YES1: variants seen among roughly 807,000 people sequenced by gnomAD.
YES1 encodes the protein tyrosine-protein kinase Yes.
In YES1, 39 loss-of-function variants were observed where a neutral mutation model predicts 70.4. That is an observed-to-expected ratio of 0.55 (90% CI 0.43 to 0.72). The LOEUF (loss-of-function observed/expected upper bound fraction) is 0.72. Ranked by LOEUF, YES1 falls within the 30% of genes least tolerant of loss-of-function variation. The pLI, the probability that YES1 is intolerant of heterozygous loss-of-function variation, is 0.00. For synonymous variants in YES1, 198 were observed against 218.6 expected (o/e 0.91, Z 0.83); for missense variants, 495 against 644.8 (o/e 0.77, Z 2.52).
chr18:725,745 G>A (rs956461421), intron 11 of YES1, among the ~76,000 whole-genome samples: 11 of 152,172 alleles, frequency 7.2e-5, no homozygotes, highest in Admixed American at 1.3e-4. Flanking sequence ...AATGAGCCAG[G>A]CATGATGGCA....
At chr18:728,613 G>A (rs2080049507) in intron 11 of YES1, among the ~76,000 whole-genome samples, 1 of 152,092 alleles carries the variant, frequency 6.6e-6, no homozygotes, top group Non-Finnish European at 1.5e-5. Context: ...TGCAACCTCT[G>A]CCTCCCAGGT....
In YES1 at chr18:723,201, A is replaced by G. The variant is rs187036941; in HGVS notation, c.*1223T>C. 4 of 152,410 alleles carry G rather than the reference A, an allele frequency of 2.6e-5. No individual in the cohort carries two copies. Among genetic ancestry groups the G allele is most frequent in the Admixed American group, 2.0e-4 (3 of 15,312 alleles). The allele number at this position is 152,410 out of a possible 1,614,324, so 9.4% of individuals were successfully genotyped here. A position where few individuals can be genotyped will look rare whatever the true frequency, so the allele number is the denominator to read the frequency against. On this transcript the variant is annotated 3_prime_UTR_variant, in exon 12 of 12. Transcript: ENST00000314574. Reference sequence around the variant, plus strand: ...ATCCCACTGCAATGAATGTGAAGCCATAACTTCATTATTTTGAACAAATAC... The same window carrying G: ...ATCCCACTGCAATGAATGTGAAGCCGTAACTTCATTATTTTGAACAAATAC...
At chr18:771,188 G>A (rs1475543340) in intron 1 of YES1, among the ~76,000 whole-genome samples, 5 of 151,554 alleles carry the variant, frequency 3.3e-5, no homozygotes, top group South Asian at 2.1e-4. Context: ...CCAACATGGC[G>A]AAACCTCGTC....
intron 1 of YES1, among the ~76,000 whole-genome samples, chr18:797,634 G>A (rs936588926): frequency 2.0e-5 from 3 of 152,098 alleles, no homozygotes; most frequent in African/African-American, 7.2e-5. Context: ...CTAAACAACT[G>A]TTAAAAATTA....
At chr18:752,942 C>CA (rs1321087847) in intron 2 of YES1, among the ~76,000 whole-genome samples, 4 of 151,258 alleles carry the variant, frequency 2.6e-5, no homozygotes, top group African/African-American at 9.7e-5. Context: ...GACTCTGTAT[C>CA]AAAAAAATAA....
At chr18:771,970 A>T (rs1331965219) in intron 1 of YES1, among the ~76,000 whole-genome samples, 1 of 152,154 alleles carries the variant, frequency 6.6e-6, no homozygotes, top group Admixed American at 6.5e-5. Flanking sequence ...GGAAGAGGCA[A>T]GAATTTCACA....
At chr18:724,989 C>T (rs751529841) in intron 11 of YES1, among the ~76,000 whole-genome samples, 2 of 152,144 alleles carry the variant, frequency 1.3e-5, no homozygotes, top group Admixed American at 1.3e-4. Flanking sequence ...GGAATGGTGG[C>T]AAGATCCTGT....
intron 1 of YES1, among the ~76,000 whole-genome samples, chr18:787,250 C>A (rs1906009113): frequency 6.6e-6 from 1 of 151,312 alleles, no homozygotes; most frequent in Admixed American, 6.6e-5. Flanking sequence ...CAGGTGCCCA[C>A]CACCAAGCCC....
chr18:799,489 C>G (rs1906709554), intron 1 of YES1, among the ~76,000 whole-genome samples: 1 of 152,084 alleles, frequency 6.6e-6, no homozygotes, highest in African/African-American at 2.4e-5. Context: ...GTGGGTGGAT[C>G]ACTTGAGGTC....
chr18:763,703 CAAAAAAAAA>C (rs71174286), intron 1 of YES1, among the ~76,000 whole-genome samples: 1 of 63,702 alleles, frequency 1.6e-5, no homozygotes, highest in Non-Finnish European at 2.9e-5. Context: ...ATCCTGTCTT[CAAAAAAAAA>C]AAAAAAAAAA....
intron 11 of YES1, among the ~76,000 whole-genome samples, chr18:726,459 G>A (rs897880488): frequency 4.6e-5 from 7 of 150,674 alleles, no homozygotes; most frequent in Non-Finnish European, 8.9e-5. Context: ...TCACTCTTCA[G>A]AATTTTCTGA....
intron 1 of YES1, among the ~76,000 whole-genome samples, chr18:790,096 C>A (rs1483047705): frequency 3.9e-5 from 6 of 152,128 alleles, no homozygotes; most frequent in Admixed American, 2.0e-4. Flanking sequence ...AGATTCCCGG[C>A]TGAGTGCAGT....
intron 1 of YES1, among the ~76,000 whole-genome samples, chr18:793,836 CCAAA>C (rs1906398609): frequency 6.6e-6 from 1 of 152,020 alleles, no homozygotes; most frequent in Admixed American, 6.6e-5. Context: ...CTCTTGCTGA[CCAAA>C]CACAGAATCT....
intron 1 of YES1, among the ~76,000 whole-genome samples, chr18:789,390 T>A (rs1417896142): frequency 6.6e-6 from 1 of 152,048 alleles, no homozygotes; most frequent in African/African-American, 2.4e-5. Flanking sequence ...AAGATCAGCC[T>A]GGGCAACATA....
At chr18:792,992 G>A (rs537069423) in intron 1 of YES1, among the ~76,000 whole-genome samples, 4 of 151,196 alleles carry the variant, frequency 2.6e-5, no homozygotes, top group Admixed American at 6.6e-5. Context: ...ACAGCTTAAT[G>A]GCAAACAATA....
At chr18:748,055 C>T in intron 3 of YES1, 37 bp from the exon 4 acceptor site, 1 of 1,573,226 alleles carries the variant, frequency 6.4e-7, no homozygotes, top group South Asian at 1.1e-5. Context: ...GCAAGGTAGA[C>T]TATTGCCCAA....
At chr18:809,739 T>C (rs1907276315) in intron 1 of YES1, among the ~76,000 whole-genome samples, 3 of 152,110 alleles carry the variant, frequency 2.0e-5, no homozygotes, top group African/African-American at 4.8e-5. Context: ...AAGCACCTTA[T>C]ATAGACATTA....
chr18:728,336 T>A (rs960788294), intron 11 of YES1, among the ~76,000 whole-genome samples: 15 of 139,754 alleles, frequency 1.1e-4, no homozygotes, highest in South Asian at 4.6e-4. Flanking sequence ...AAAAAAAAAA[T>A]TCATTTATGT....
intron 1 of YES1, among the ~76,000 whole-genome samples, chr18:768,110 C>G (rs977389109): frequency 5.3e-5 from 8 of 152,202 alleles, no homozygotes; most frequent in African/African-American, 1.9e-4. Context: ...AACAACTACT[C>G]AACTCTGCTG....
Sources: gnomAD v4.1 joint callset for allele counts (sites outside exome capture counted in the v4.1 genomes callset) on GRCh38, gnomAD v4.1.1 for gene constraint, MANE v1.5 for transcripts, NCBI Gene and HGNC (gene_info 2026-07-23, HGNC 2026-07-21) for gene names.